MCTP1: variants seen among roughly 807,000 people sequenced by gnomAD.
The protein encoded by MCTP1 is multiple C2 and transmembrane domain-containing protein 1.
In MCTP1, 69 loss-of-function variants were observed where a neutral mutation model predicts 120.6. The ratio of observed to expected loss-of-function variants is 0.57; its 90% CI spans 0.47 to 0.70. The LOEUF (loss-of-function observed/expected upper bound fraction) is 0.70, where lower values mean the gene tolerates loss of function less well. Among genes scored for constraint, MCTP1 ranks in the 30% least tolerant of loss-of-function variants. The pLI is 0.00. For synonymous variants in MCTP1, 529 were observed against 493.1 expected, an observed-to-expected ratio of 1.07 and a Z score of -0.96; for missense variants, 1,203 against 1,248.8, an observed-to-expected ratio of 0.96 and a Z score of 0.55.
At chr5:95,132,611 C>T (rs1375368923) in intron 1 of MCTP1, among the ~76,000 whole-genome samples, 9 of 152,168 alleles carry the variant, frequency 5.9e-5, no homozygotes, top group African/African-American at 2.2e-4. Context: ...TGCAGTCCCG[C>T]GACCTCAGCA....
intron 1 of MCTP1, among the ~76,000 whole-genome samples, chr5:95,238,965 T>C (rs908944271): frequency 2.0e-5 from 3 of 152,194 alleles, no homozygotes; most frequent in Admixed American, 1.3e-4. Flanking sequence ...TCAGTATACA[T>C]GTAGCTATGA....
chr5:95,187,560 C>T (rs970878242), intron 1 of MCTP1, among the ~76,000 whole-genome samples: 9 of 152,050 alleles, frequency 5.9e-5, no homozygotes, highest in African/African-American at 1.9e-4. Context: ...CCACCACGCC[C>T]GGCTAATTGT....
At chr5:95,219,201 G>A (rs1753384771) in intron 1 of MCTP1, among the ~76,000 whole-genome samples, 1 of 151,982 alleles carries the variant, frequency 6.6e-6, no homozygotes, top group Admixed American at 6.6e-5. Context: ...CTAATACGGT[G>A]AAACCCCGTC....
chr5:94,752,974 A>G (rs1187621937), intron 19 of MCTP1, among the ~76,000 whole-genome samples: 1 of 152,224 alleles, frequency 6.6e-6, no homozygotes, highest in Non-Finnish European at 1.5e-5. Flanking sequence ...CCAAGTTTTG[A>G]AGTTTAGCAA....
intron 1 of MCTP1, among the ~76,000 whole-genome samples, chr5:95,233,665 G>T (rs2152657621): frequency 6.6e-6 from 1 of 152,046 alleles, no homozygotes; most frequent in Non-Finnish European, 1.5e-5. Context: ...ATAAGTCAAA[G>T]AATAAAACAA....
At chr5:95,131,845 A>T (rs1469561597) in intron 1 of MCTP1, among the ~76,000 whole-genome samples, 1 of 152,194 alleles carries the variant, frequency 6.6e-6, no homozygotes, top group Admixed American at 6.5e-5. Context: ...CTGATTTTTT[A>T]AAACATGCAT....
chr5:94,889,530 A>G (rs867865798), intron 11 of MCTP1, among the ~76,000 whole-genome samples: 3 of 152,212 alleles, frequency 2.0e-5, no homozygotes, highest in African/African-American at 7.2e-5. Flanking sequence ...CAGAGGTTGC[A>G]GTGAGCCAAG....
In MCTP1 at chr5:95,203,087, C is replaced by T. The variant is rs115452566; in HGVS notation, c.720+80769G>A. Among the ~76,000 whole-genome samples, 167 of 152,238 alleles carry T rather than the reference C, an allele frequency of 1.1e-3. 1 individual carries two copies. Among genetic ancestry groups the T allele is most frequent in the African/African-American group, 3.8e-3 (158 of 41,538 alleles). On this transcript the variant is annotated intron_variant, in intron 1 of 22. Transcript: ENST00000515393. ...TCTTCTACTCTTTCTTTGATTATTTCCTCTGCTTCACCACTTCTATTCTCT... is the reference window on the plus strand; with the variant it reads ...TCTTCTACTCTTTCTTTGATTATTTTCTCTGCTTCACCACTTCTATTCTCT...
Position 94,910,365 on chromosome 5 carries a change from C to A in MCTP1, c.1522-984G>T, listed in dbSNP as rs145184542. On this transcript the variant is annotated intron_variant, in intron 9 of 22. Transcript: ENST00000515393. ...ATGGTAGAATCAATGAGCAAAGTAA[C>A]CTATATTGATAGGAATGGAATTTTA... Among the ~76,000 whole-genome samples, 13 of 151,924 alleles carry A rather than the reference C, an allele frequency of 8.6e-5. No homozygotes were observed. The East Asian group carries it at 2.5e-3, about 29-fold the overall frequency.
chr5:95,166,126 T>C (rs1315237588), intron 1 of MCTP1: 2 of 152,218 alleles, frequency 1.3e-5, no homozygotes, highest in African/African-American at 4.8e-5. Context: ...AGGTTACCTC[T>C]TGCTCCCATA....
At chr5:94,875,917 T>A (rs1798772973) in intron 12 of MCTP1, among the ~76,000 whole-genome samples, 1 of 152,166 alleles carries the variant, frequency 6.6e-6, no homozygotes. Context: ...ACAGTTATCA[T>A]TAATGGATGC....
At chr5:94,861,723 A>C (rs1415710386) in intron 17 of MCTP1, among the ~76,000 whole-genome samples, 1 of 151,842 alleles carries the variant, frequency 6.6e-6, no homozygotes, top group Admixed American at 6.6e-5. Context: ...AGAAGACAAG[A>C]ACATTGGTTT....
chr5:94,743,662 G>C (rs1178201364), intron 19 of MCTP1, among the ~76,000 whole-genome samples: 3 of 141,412 alleles, frequency 2.1e-5, no homozygotes, highest in African/African-American at 8.0e-5. Flanking sequence ...TTTTGAGATG[G>C]AGTCTCCCTC....
chr5:95,079,740 T>C, intron 1 of MCTP1, among the ~76,000 whole-genome samples: 1 of 152,072 alleles, frequency 6.6e-6, no homozygotes, highest in East Asian at 1.9e-4. Context: ...TTTATATTTT[T>C]TATTAAAATA....
chr5:94,842,405 A>G (rs745380978), intron 17 of MCTP1, among the ~76,000 whole-genome samples: 9 of 152,242 alleles, frequency 5.9e-5, no homozygotes, highest in Admixed American at 1.3e-4. Flanking sequence ...GTTTCACTTC[A>G]TAAGCAAACA....
At position 95,068,619 on chromosome 5, in the gene MCTP1, G is replaced by A. The variant is rs115956262; in HGVS notation, c.721-51135C>T. Among the ~76,000 whole-genome samples, 1,276 of 152,304 alleles carry A rather than the reference G, an allele frequency of 8.4e-3. 19 individuals carry two copies. Among genetic ancestry groups the A allele is most frequent in the African/African-American group, 0.029 (1,225 of 41,550 alleles). On this transcript the variant is annotated intron_variant, in intron 1 of 22. Coordinates refer to ENST00000515393, the MANE Select transcript of MCTP1 (RefSeq NM_024717.7). ...TCAAGGACCTGATTGGCCGGGATCT[G>A]TTTTCTACTTAGTTCACTTCCATTT...
intron 1 of MCTP1, chr5:95,081,852 C>T: frequency 9.9e-7 from 1 of 1,005,634 alleles, no homozygotes; most frequent in Non-Finnish European, 1.2e-6. Context: ...TGTTAGTAGT[C>T]AACCTCTTCC....
chr5:95,014,275 C>CAACA (rs1554182475), intron 2 of MCTP1, among the ~76,000 whole-genome samples: 1 of 151,676 alleles, frequency 6.6e-6, no homozygotes, highest in Non-Finnish European at 1.5e-5. Context: ...ACAACAACAA[C>CAACA]AAAAAATCCA....
At chr5:95,164,717 C>G (rs1245584855) in intron 1 of MCTP1, among the ~76,000 whole-genome samples, 3 of 152,224 alleles carry the variant, frequency 2.0e-5, no homozygotes, top group Middle Eastern at 3.4e-3. Flanking sequence ...TCAAATTTAA[C>G]TGGGTATACT....
Sources: gnomAD v4.1 joint callset for allele counts (sites outside exome capture counted in the v4.1 genomes callset) on GRCh38, gnomAD v4.1.1 for gene constraint, MANE v1.5 for transcripts, NCBI Gene and HGNC (gene_info 2026-07-23, HGNC 2026-07-21) for gene names.